ZNF382: variants seen among roughly 807,000 people sequenced by gnomAD.
The protein encoded by ZNF382 is KRAB/zinc finger suppressor protein 1.
ZNF382 carries 20 observed loss-of-function variants against 38.8 expected under a neutral mutation model. That is an observed-to-expected ratio of 0.51 (90% CI 0.36 to 0.75). The LOEUF (loss-of-function observed/expected upper bound fraction) is 0.75. ZNF382 is among the 30% of genes least tolerant of loss of function. ZNF382 has a pLI of 0.00. For missense variants in ZNF382, 546 were observed against 654.1 expected (o/e 0.83, Z 1.80); for synonymous variants, 202 against 223.1 (o/e 0.91, Z 0.84).
rs1303138321 is a variant in ZNF382, at chr19:36,630,850, T to A, written c.*3300T>A. The A allele has an allele frequency of 2.6e-5, 4 of 151,568 alleles. No individual in the cohort carries two copies. Among genetic ancestry groups the A allele is most frequent in the Admixed American group, 2.6e-4 (4 of 15,202 alleles). 9.4% of individuals were successfully genotyped at this position (151,568 alleles called of 1,614,324 possible). A position where few individuals can be genotyped will look rare whatever the true frequency, so the allele number is the denominator to read the frequency against. On this transcript the variant is annotated 3_prime_UTR_variant, in exon 5 of 5. Coordinates refer to ENST00000292928, the MANE Select transcript of ZNF382 (RefSeq NM_032825.5). ...CCTAGGCTGGAGTAGAGTGGTGCCA[T>A]TATAGCTCACTGCAGACTTGAATTC...
intron 4 of ZNF382, among the ~76,000 whole-genome samples, chr19:36,611,423 C>G (rs2037077089): frequency 1.3e-5 from 2 of 152,040 alleles, no homozygotes; most frequent in Admixed American, 1.3e-4. Flanking sequence ...AGTATTTATC[C>G]TTTTTCTGAC....
Position 36,610,752 on chromosome 19 carries a change from T to C in ZNF382, c.232+10T>C. On this transcript the variant is annotated intron_variant, in intron 4 of 4. Transcript: ENST00000292928. ...AGTTACAGCTACCTAGGTGAGTCTA[T>C]AAATGAAGTCTAGTGAACATTAAAT... 6.3e-7 allele frequency: 1 copy of C among 1,597,742 alleles called. No homozygotes were observed. The highest frequency in any genetic ancestry group is 1.3e-5 in the African/African-American group (1 of 74,656).
chr19:36,626,561 CT>C lies in ZNF382; in HGVS notation c.665del (p.Leu222ArgfsTer2). 6.2e-7 allele frequency: 1 copy of C among 1,613,546 alleles called. No individual in the cohort carries two copies. The highest frequency in any genetic ancestry group is 8.5e-7 in the Non-Finnish European group (1 of 1,179,874). ...FDHNECEKSF[L>X]MKGMLFTHTR... is the part of the protein sequence containing the mutation. ...CCATAATGAATGTGAAAAATCCTTCCTGATGAAAGGAATGCTATTTACACAT... is the reference window on the plus strand; with the variant it reads ...CCATAATGAATGTGAAAAATCCTTCCGATGAAAGGAATGCTATTTACACAT... On this transcript the variant is annotated frameshift_variant, in exon 5 of 5. Coordinates refer to ENST00000292928, the MANE Select transcript of ZNF382 (RefSeq NM_032825.5). LOFTEE classifies it high-confidence loss of function.
In ZNF382 at chr19:36,626,609, A is replaced by G. The variant is rs781305044; in HGVS notation, c.712A>G (p.Arg238Gly). The change falls in exon 5 of 5, where the codon AGA becomes GGA. Residue 238 changes from arginine (R) to glycine (G), a missense_variant. Coordinates refer to ENST00000292928, the MANE Select transcript of ZNF382 (RefSeq NM_032825.5). ...ACATACTAGAGCTCACAGAGGAGAA[A>G]GAACCTTTGAATACAATAAAGATGG... ...FTHTRAHRGE[R>G]TFEYNKDGIA... 3 of 1,614,214 alleles carry G rather than the reference A, an allele frequency of 1.9e-6. No homozygotes were observed. Among genetic ancestry groups the G allele is most frequent in the East Asian group, 2.2e-5 (1 of 44,882 alleles).
At position 36,628,309 on chromosome 19, in the gene ZNF382, G is replaced by C. The variant is rs529519751; in HGVS notation, c.*759G>C. On this transcript the variant is annotated 3_prime_UTR_variant, in exon 5 of 5. Transcript: ENST00000292928. ...GTGTACATACATGTATTTCTCTTGTGTATATACTTAGGAGTGGAATCGCTG... is the reference window on the plus strand; with the variant it reads ...GTGTACATACATGTATTTCTCTTGTCTATATACTTAGGAGTGGAATCGCTG... 1.3e-5 allele frequency: 2 copies of C among 152,476 alleles called. No homozygotes were observed. Among genetic ancestry groups the C allele is most frequent in the Non-Finnish European group, 2.9e-5 (2 of 68,040 alleles). 9.4% of individuals were successfully genotyped at this position (152,476 alleles called of 1,614,324 possible).
Sources: allele counts gnomAD v4.1 joint callset (sites outside exome capture counted in the v4.1 genomes callset), GRCh38; gene constraint gnomAD v4.1.1; transcripts MANE v1.5; gene names NCBI Gene and HGNC (gene_info 2026-07-23, HGNC 2026-07-21).